Variants in APP observed in about 807,000 individuals in gnomAD.
APP encodes amyloid beta precursor protein.
In APP, 31 loss-of-function variants were observed where a neutral mutation model predicts 101.4. The observed-to-expected ratio is 0.31, with a 90% CI of 0.23 to 0.41. The LOEUF (loss-of-function observed/expected upper bound fraction) is 0.41. APP is among the 10% of genes least tolerant of loss of function. The pLI is 1.00. For missense variants in APP, 839 were observed against 1,003.7 expected (o/e 0.84, Z 2.22); for synonymous variants, 366 against 364.4 (o/e 1.00, Z -0.05).
intron 5 of APP, among the ~76,000 whole-genome samples, chr21:26,031,492 TC>T (rs1472086921): frequency 6.6e-6 from 1 of 152,128 alleles, no homozygotes; most frequent in East Asian, 1.9e-4. Flanking sequence ...GACTTACAGT[TC>T]CACATGGCTG....
At chr21:26,160,051 A>G (rs895500550) in intron 1 of APP, among the ~76,000 whole-genome samples, 17 of 149,058 alleles carry the variant, frequency 1.1e-4, no homozygotes, top group Non-Finnish European at 3.0e-5. Context: ...ATTGATACTC[A>G]GTGTTAAGGC....
At chr21:26,046,069 G>T (rs753278440) in intron 5 of APP, among the ~76,000 whole-genome samples, 10 of 151,758 alleles carry the variant, frequency 6.6e-5, no homozygotes, top group African/African-American at 2.2e-4. Flanking sequence ...CACTTCACAG[G>T]AACAGCATGG....
intron 1 of APP, among the ~76,000 whole-genome samples, chr21:26,115,156 G>A (rs1046237356): frequency 6.6e-6 from 1 of 152,102 alleles, no homozygotes; most frequent in Non-Finnish European, 1.5e-5. Flanking sequence ...TCTTCAAGTG[G>A]AGATCATTTA....
At chr21:26,156,408 T>C (rs895770964) in intron 1 of APP, among the ~76,000 whole-genome samples, 1 of 152,238 alleles carries the variant, frequency 6.6e-6, no homozygotes, top group Non-Finnish European at 1.5e-5. Flanking sequence ...CAATAAAATA[T>C]TAATAAGATT....
chr21:25,947,558 C>T (rs141809661), intron 13 of APP, among the ~76,000 whole-genome samples: 338 of 152,252 alleles, frequency 2.2e-3, no homozygotes, highest in African/African-American at 7.8e-3. Context: ...GAGAAATTGT[C>T]TTGGGTCAAA....
At chr21:26,095,735 T>C (rs926272173) in intron 2 of APP, among the ~76,000 whole-genome samples, 1 of 152,206 alleles carries the variant, frequency 6.6e-6, no homozygotes, top group Non-Finnish European at 1.5e-5. Flanking sequence ...AAATCTTACA[T>C]AGGAAATAAA....
chr21:26,058,122 T>A (rs2046115423), intron 3 of APP, among the ~76,000 whole-genome samples: 1 of 152,184 alleles, frequency 6.6e-6, no homozygotes, highest in Non-Finnish European at 1.5e-5. Context: ...TGTACTGCCA[T>A]CCTGAGCACG....
At chr21:25,940,487 A>G (rs2040531661) in intron 13 of APP, among the ~76,000 whole-genome samples, 1 of 152,250 alleles carries the variant, frequency 6.6e-6, no homozygotes, top group South Asian at 2.1e-4. Context: ...TTAAAAAACT[A>G]CCAATTGGCC....
At chr21:26,089,671 T>G in intron 3 of APP, 3 of 332,898 alleles carry the variant, frequency 9.0e-6, no homozygotes, top group Non-Finnish European at 1.7e-5. Flanking sequence ...ACTATAGGCA[T>G]TTTTCATTCA....
chr21:25,984,577 A>C (rs1178163677), intron 8 of APP, among the ~76,000 whole-genome samples: 1 of 152,218 alleles, frequency 6.6e-6, no homozygotes, highest in East Asian at 1.9e-4. Flanking sequence ...TCATTAAGTT[A>C]AAATGAATAA....
intron 13 of APP, among the ~76,000 whole-genome samples, chr21:25,931,601 G>A (rs139134887): frequency 1.3e-5 from 2 of 152,306 alleles, no homozygotes; most frequent in Non-Finnish European, 2.9e-5. Flanking sequence ...AAGCATAGCC[G>A]ATAAGGATGC....
At chr21:25,970,767 G>A (rs1018266061) in intron 11 of APP, among the ~76,000 whole-genome samples, 6 of 152,090 alleles carry the variant, frequency 3.9e-5, no homozygotes, top group Admixed American at 1.3e-4. Context: ...TCCATCTCCC[G>A]AGGTTGCAGT....
intron 6 of APP, 55 bp from the exon 7 acceptor site, chr21:26,000,237 T>C (rs2043235577): frequency 6.2e-7 from 1 of 1,601,644 alleles, no homozygotes. Flanking sequence ...ACTGTCTCTC[T>C]GTTCATGTAT....
chr21:26,076,994 C>T (rs1236097672), intron 3 of APP, among the ~76,000 whole-genome samples: 3 of 148,950 alleles, frequency 2.0e-5, no homozygotes, highest in South Asian at 2.1e-4. Flanking sequence ...ACCCAGGAGG[C>T]GGAGGCTGCG....
chr21:26,062,038 C>T (rs1568926970), intron 3 of APP, among the ~76,000 whole-genome samples: 2 of 151,858 alleles, frequency 1.3e-5, no homozygotes, highest in Admixed American at 6.6e-5. Context: ...GGTGACACTC[C>T]GTCTCTACTA....
At position 25,935,549 on chromosome 21, in the gene APP, A is replaced by T. The variant is rs527961738; in HGVS notation, c.1687+19041T>A. ...GTGTGGATACACTAAAAACTAATTTAAAAAAATCTGGGCTGGGCGCGGTGG... is the reference window on the plus strand; with the variant it reads ...GTGTGGATACACTAAAAACTAATTTTAAAAAATCTGGGCTGGGCGCGGTGG... On this transcript the variant is annotated intron_variant, in intron 13 of 17. Coordinates refer to ENST00000346798, the MANE Select transcript of APP (RefSeq NM_000484.4). 8.5e-4 allele frequency among the ~76,000 whole-genome samples: 130 copies of T among 152,228 alleles called. 1 individual carries two copies. The highest frequency in any genetic ancestry group is 6.8e-3 in the Middle Eastern group (2 of 294).
intron 6 of APP, among the ~76,000 whole-genome samples, chr21:26,004,960 T>A (rs2146700502): frequency 6.6e-6 from 1 of 152,318 alleles, no homozygotes; most frequent in Middle Eastern, 3.4e-3. Flanking sequence ...GCTTCATCCA[T>A]GTCCCTACAA....
At chr21:26,152,147 T>C (rs2234991) in intron 1 of APP, among the ~76,000 whole-genome samples, 53,296 of 151,102 alleles carry the variant, frequency 0.35, 9,952 homozygotes, top group African/African-American at 0.49. Flanking sequence ...TAGCCGGGCG[T>C]GGTGGCGGGC....
Position 26,084,291 on chromosome 21 carries a change from C to T in APP, c.355+5652G>A, listed in dbSNP as rs373696379. ...TCTCGCTCTGTCCCCCAGGCTGGAG[C>T]GCAGTGGCGCGATCTCGGCTCACGG... On this transcript the variant is annotated intron_variant, in intron 3 of 17. Coordinates refer to ENST00000346798, the MANE Select transcript of APP (RefSeq NM_000484.4). Among the ~76,000 whole-genome samples the T allele has an allele frequency of 6.2e-4, 81 of 130,012 alleles. 1 individual carries two copies. Among genetic ancestry groups the T allele is most frequent in the African/African-American group, 1.6e-3 (53 of 34,178 alleles). The allele number at this position is 130,012 out of a possible 152,430, so 85.3% of individuals were successfully genotyped here.
Sources: gnomAD v4.1 joint callset for allele counts (sites outside exome capture counted in the v4.1 genomes callset) on GRCh38, gnomAD v4.1.1 for gene constraint, MANE v1.5 for transcripts, NCBI Gene and HGNC (gene_info 2026-07-23, HGNC 2026-07-21) for gene names.